PRRC2B: variants seen among roughly 807,000 people sequenced by gnomAD.
The protein encoded by PRRC2B is protein PRRC2B.
PRRC2B carries 68 observed loss-of-function variants against 242.3 expected under a neutral mutation model. The ratio of observed to expected loss-of-function variants is 0.28; its 90% CI spans 0.23 to 0.34. The LOEUF (loss-of-function observed/expected upper bound fraction) is 0.34. Among genes scored for constraint, PRRC2B ranks in the 10% least tolerant of loss-of-function variants. PRRC2B has a pLI of 1.00. For synonymous variants in PRRC2B, 1,228 were observed against 1,173.6 expected (o/e 1.05, Z -0.95); for missense variants, 2,835 against 2,954.8 (o/e 0.96, Z 0.94).
At position 131,476,397 on chromosome 9, in the gene PRRC2B, G is replaced by A. The variant is rs1319907681; in HGVS notation, c.4268G>A (p.Ser1423Asn). 2.5e-6 allele frequency: 4 copies of A among 1,607,258 alleles called. No individual in the cohort carries two copies. Among genetic ancestry groups the A allele is most frequent in the Admixed American group, 1.7e-5 (1 of 58,836 alleles). The change falls in exon 16 of 32, where the codon AGT becomes AAT. Residue 1423 changes from serine to asparagine, a missense_variant. Transcript: ENST00000683519. ...KKELAKRSFSSQRPVVDRQSR... is the reference protein window; with the variant it reads ...KKELAKRSFSNQRPVVDRQSR... ...GAGCTGGCCAAGAGGAGCTTCTCCA[G>A]TCAGAGACCCGTGGTTGACAGACAG...
rs535990581 is a variant in PRRC2B, at chr9:131,410,362, C to A, written c.-52+16099C>A. On this transcript the variant is annotated intron_variant, in intron 1 of 31. Transcript: ENST00000683519. ...ATAACAGTGCCAGCGCCAGTTCACA[C>A]CCCACCGCAGGCCAGGCCTGCACTT... Among the ~76,000 whole-genome samples, 19 of 152,320 alleles carry A rather than the reference C, an allele frequency of 1.2e-4. No homozygotes were observed. The South Asian group carries it at 3.5e-3, about 28-fold the overall frequency.
At chr9:131,485,490 A>C (rs1320066005) in intron 25 of PRRC2B, among the ~76,000 whole-genome samples, 1 of 152,114 alleles carries the variant, frequency 6.6e-6, no homozygotes, top group Non-Finnish European at 1.5e-5. Flanking sequence ...CTCCTCTCTT[A>C]CATGAAACTC....
chr9:131,439,123 C>T (rs1347680586), intron 5 of PRRC2B, 62 bp downstream of exon 5: 2 of 1,438,932 alleles, frequency 1.4e-6, no homozygotes, highest in Non-Finnish European at 1.9e-6. Context: ...AATGCCTTTT[C>T]CAGAATGTCT....
At chr9:131,486,680 C>G (rs1349945038) in intron 26 of PRRC2B, 1 of 289,656 alleles carries the variant, frequency 3.5e-6, no homozygotes, top group Non-Finnish European at 5.2e-6. Context: ...CCCTCAGACC[C>G]ATGTGCCTCC....
In PRRC2B at chr9:131,479,112, GT is replaced by G. The variant is rs1943787348; in HGVS notation, c.4759-136del. ...GCTTGGCATCGCAGTTCTGCTTGAG[GT>G]TTTGGGAGACGAGCGTTCCACACAT... On this transcript the variant is annotated intron_variant, in intron 18 of 31. Coordinates refer to ENST00000683519, the MANE Select transcript of PRRC2B (RefSeq NM_013318.4). 6.1e-6 allele frequency: 5 copies of G among 824,754 alleles called. No individual in the cohort carries two copies. The Admixed American group carries it at 1.3e-4, about 22-fold the overall frequency. The allele number at this position is 824,754 out of a possible 1,614,324, so 51.1% of individuals were successfully genotyped here.
At position 131,485,120 on chromosome 9, in the gene PRRC2B, C is replaced by A; in HGVS notation, c.5738C>A (p.Ala1913Glu). The A allele has an allele frequency of 6.3e-7, 1 of 1,593,534 alleles. No individual in the cohort carries two copies. The highest frequency in any genetic ancestry group is 8.6e-7 in the Non-Finnish European group (1 of 1,168,794). ...CCACCCATGCCTGTGGCCTCTGTAG[C>A]ACCTTCTGCTTCTATGCCAGGTATC... ...SMPPMPVASV[A>E]PSASMPGSHL... is the part of the protein sequence containing the mutation. The change falls in exon 25 of 32, where the codon GCA (alanine) becomes GAA (glutamate). Residue 1913 changes from alanine to glutamate, a missense_variant. Physicochemically the swap from Ala to Glu is moderately radical, Grantham distance 107 (BLOSUM62 -1). Around this residue, in one of 7 missense-constraint regions of PRRC2B, gnomAD observed 574 missense variants for 626.0 expected, o/e 0.92. Transcript: ENST00000683519.
chr9:131,481,950 C>T, intron 20 of PRRC2B, 142 bp downstream of exon 20: 1 of 756,804 alleles, frequency 1.3e-6, no homozygotes, highest in Non-Finnish European at 2.2e-6. Flanking sequence ...TCCATGGGGC[C>T]AAGCTCATCA....
intron 1 of PRRC2B, among the ~76,000 whole-genome samples, chr9:131,427,331 G>T (rs1412870837): frequency 6.6e-6 from 1 of 151,978 alleles, no homozygotes; most frequent in African/African-American, 2.4e-5. Context: ...ATATAGTTGT[G>T]TGTGTGTGTG....
chr9:131,486,308 C>T, intron 26 of PRRC2B, 126 bp downstream of exon 26: 1 of 839,964 alleles, frequency 1.2e-6, no homozygotes. Context: ...ATGTGGTGAC[C>T]AGCACCTGGC....
intron 1 of PRRC2B, among the ~76,000 whole-genome samples, chr9:131,409,020 C>CT (rs1209001135): frequency 0.13 from 16,884 of 129,084 alleles, 1,131 homozygotes; most frequent in African/African-American, 0.15. Flanking sequence ...CGCTCAGCCA[C>CT]TTTTTTTTTT....
intron 3 of PRRC2B, among the ~76,000 whole-genome samples, chr9:131,434,867 T>A (rs998315424): frequency 1.2e-4 from 19 of 152,180 alleles, no homozygotes; most frequent in African/African-American, 4.3e-4. Flanking sequence ...GAGTGTAAAT[T>A]CACTGACACA....
intron 11 of PRRC2B, among the ~76,000 whole-genome samples, chr9:131,464,449 T>C (rs1441512626): frequency 6.6e-6 from 1 of 152,052 alleles, no homozygotes; most frequent in African/African-American, 2.4e-5. Flanking sequence ...GTGGTGGGAG[T>C]GTTTGTCGTG....
At chr9:131,415,407 C>G (rs572816721) in intron 1 of PRRC2B, among the ~76,000 whole-genome samples, 1 of 152,324 alleles carries the variant, frequency 6.6e-6, no homozygotes, top group African/African-American at 2.4e-5. Flanking sequence ...CTGGGCTTCT[C>G]TTAGGCCAGG....
intron 1 of PRRC2B, among the ~76,000 whole-genome samples, chr9:131,408,086 C>T (rs1837413801): frequency 6.6e-6 from 1 of 152,134 alleles, no homozygotes; most frequent in South Asian, 2.1e-4. Context: ...GGGAGTGCCA[C>T]AGCTAGAGGG....
In PRRC2B at chr9:131,475,645, C is replaced by G; in HGVS notation, c.3516C>G (p.Gly1172=). ...LEREESTLKK[G]DCRDSWRSNK... is the part of the protein sequence containing the mutation. ...GGGAGGAGAGCACCTTGAAGAAGGG[C>G]GACTGCAGAGATTCTTGGCGGTCCA... is the stretch of plus-strand genomic sequence containing the variant. The change falls in exon 16 of 32, where the codon GGC becomes GGG. Residue 1172 remains glycine, a synonymous_variant. Transcript: ENST00000683519. 6.2e-7 allele frequency: 1 copy of G among 1,610,554 alleles called. No homozygotes were observed. The highest frequency in any genetic ancestry group is 8.5e-7 in the Non-Finnish European group (1 of 1,178,462).
intron 1 of PRRC2B, among the ~76,000 whole-genome samples, chr9:131,394,852 T>C (rs988261325): frequency 2.6e-5 from 4 of 151,756 alleles, no homozygotes; most frequent in African/African-American, 9.7e-5. Flanking sequence ...CCGCCCAGTC[T>C]CGGTGTGAGT....
At chr9:131,491,665 G>A in intron 29 of PRRC2B, 85 bp downstream of exon 29, 2 of 1,306,288 alleles carry the variant, frequency 1.5e-6, no homozygotes, top group East Asian at 2.6e-5. Context: ...CCCCTGTGTG[G>A]TAGAAAGAGC....
chr9:131,481,234 C>T (rs1221559453), intron 19 of PRRC2B, among the ~76,000 whole-genome samples: 2 of 132,028 alleles, frequency 1.5e-5, no homozygotes, highest in Admixed American at 9.3e-5. Context: ...GGCGTGAACC[C>T]GGGAGGCAGA....
rs370809913 is a variant in PRRC2B, at chr9:131,495,913, C to T, written c.*39C>T. On this transcript the variant is annotated 3_prime_UTR_variant, in exon 32 of 32. Transcript: ENST00000683519. ...CCACCTCGCCTCTCCCTACTGAGGA[C>T]GGTGCCGCCATGCGGCCTCGACACA... is the stretch of plus-strand genomic sequence containing the variant. 4.5e-5 allele frequency: 71 copies of T among 1,585,302 alleles called. No individual in the cohort carries two copies. Among genetic ancestry groups the T allele is most frequent in the Non-Finnish European group, 4.9e-5 (57 of 1,159,674 alleles).
Sources: gnomAD v4.1 joint callset for allele counts (sites outside exome capture counted in the v4.1 genomes callset) on GRCh38, gnomAD v4.1.1 for gene constraint, gnomAD v4.1.1 regional missense constraint, MANE v1.5 for transcripts, NCBI Gene and HGNC (gene_info 2026-07-23, HGNC 2026-07-21) for gene names.